GPC6: variants seen among roughly 807,000 people sequenced by gnomAD.
The protein encoded by GPC6 is glypican 6.
GPC6 carries 14 observed loss-of-function variants against 55.2 expected under a neutral mutation model. The observed-to-expected ratio is 0.25, with a 90% confidence interval of 0.17 to 0.40. GPC6 has a LOEUF of 0.40. GPC6 is among the 10% of genes least tolerant of loss of function. GPC6 has a pLI of 1.00. For synonymous variants in GPC6, 278 were observed against 259.6 expected, an observed-to-expected ratio of 1.07 and a Z score of -0.68; for missense variants, 641 against 708.5, an observed-to-expected ratio of 0.90 and a Z score of 1.08.
At chr13:93,685,152 G>A (rs569124174) in intron 2 of GPC6, among the ~76,000 whole-genome samples, 13 of 152,292 alleles carry the variant, frequency 8.5e-5, no homozygotes, top group Non-Finnish European at 1.9e-4. Flanking sequence ...TTTCATTTGA[G>A]AGTACCAGTG....
chr13:94,140,280 C>T (rs942006344), intron 4 of GPC6, among the ~76,000 whole-genome samples: 1 of 152,156 alleles, frequency 6.6e-6, no homozygotes, highest in African/African-American at 2.4e-5. Context: ...GTGTGTTATG[C>T]TACTACAATT....
intron 6 of GPC6, among the ~76,000 whole-genome samples, chr13:94,321,693 A>G (rs535401445): frequency 2.0e-5 from 3 of 152,302 alleles, no homozygotes; most frequent in African/African-American, 7.2e-5. Context: ...GCCATGTGGT[A>G]GTTGGTACTA....
intron 7 of GPC6, among the ~76,000 whole-genome samples, chr13:94,386,517 G>T (rs905124161): frequency 5.3e-5 from 8 of 152,146 alleles, no homozygotes; most frequent in African/African-American, 1.9e-4. Context: ...TTAAGCCCAG[G>T]AATTTGAGGC....
At chr13:93,539,902 G>A (rs2139425136) in intron 1 of GPC6, among the ~76,000 whole-genome samples, 1 of 152,136 alleles carries the variant, frequency 6.6e-6, no homozygotes, top group Middle Eastern at 3.4e-3. Flanking sequence ...TGTTGGTCAG[G>A]CTGGTCTCAA....
chr13:93,629,835 T>C (rs1879359103), intron 2 of GPC6, among the ~76,000 whole-genome samples: 1 of 152,166 alleles, frequency 6.6e-6, no homozygotes, highest in South Asian at 2.1e-4. Context: ...AGAGTAGAGA[T>C]TGCAACTTTA....
At chr13:93,305,864 C>T (rs1878839191) in intron 1 of GPC6, among the ~76,000 whole-genome samples, 1 of 152,170 alleles carries the variant, frequency 6.6e-6, no homozygotes, top group Admixed American at 6.5e-5. Flanking sequence ...TGTTTTTCTA[C>T]ATGTGCTTAT....
At chr13:93,888,034 C>G (rs1875450069) in intron 3 of GPC6, among the ~76,000 whole-genome samples, 1 of 152,080 alleles carries the variant, frequency 6.6e-6, no homozygotes, top group Admixed American at 6.6e-5. Flanking sequence ...AAAAACAAAA[C>G]CAAGAATGCC....
At chr13:93,487,032 A>C (rs1361481006) in intron 1 of GPC6, among the ~76,000 whole-genome samples, 10 of 152,138 alleles carry the variant, frequency 6.6e-5, no homozygotes, top group Non-Finnish European at 1.5e-4. Context: ...AACTGGTGTG[A>C]TGAAAATAAT....
rs377245437 is a variant in GPC6, at chr13:94,053,426, G to A, written c.877+25532G>A. ...AATCATGAGCTTTTGGGGGCTAAAA[G>A]CCCAAAGGTAGTAATTGTTAAAATT... On this transcript the variant is annotated intron_variant, in intron 4 of 8. Coordinates refer to ENST00000377047, the MANE Select transcript of GPC6 (RefSeq NM_005708.5). 2.0e-5 allele frequency among the ~76,000 whole-genome samples: 3 copies of A among 152,256 alleles called. No individual in the cohort carries two copies. In the South Asian group the frequency reaches 6.2e-4, roughly 32 times the overall value.
intron 3 of GPC6, among the ~76,000 whole-genome samples, chr13:93,848,395 C>T (rs1421353646): frequency 3.9e-5 from 6 of 151,978 alleles, no homozygotes; most frequent in South Asian, 2.1e-4. Flanking sequence ...CTCCCTTTCC[C>T]GTGCCTTGGT....
At chr13:93,738,138 A>G (rs1884064403) in intron 2 of GPC6, among the ~76,000 whole-genome samples, 1 of 152,230 alleles carries the variant, frequency 6.6e-6, no homozygotes, top group African/African-American at 2.4e-5. Flanking sequence ...GGAAAATGCT[A>G]GTGCTTCATG....
At chr13:94,081,084 C>A (rs1186182206) in intron 4 of GPC6, among the ~76,000 whole-genome samples, 1 of 152,114 alleles carries the variant, frequency 6.6e-6, no homozygotes, top group African/African-American at 2.4e-5. Context: ...AAAGTGTTAA[C>A]CTGGAAGATT....
chr13:94,207,427 G>T (rs1042725109), intron 4 of GPC6, among the ~76,000 whole-genome samples: 1 of 152,110 alleles, frequency 6.6e-6, no homozygotes, highest in Admixed American at 6.5e-5. Context: ...AGAAACTGAG[G>T]TTCATAGGCT....
chr13:94,038,909 G>A (rs2138736376), intron 4 of GPC6, among the ~76,000 whole-genome samples: 1 of 152,076 alleles, frequency 6.6e-6, no homozygotes, highest in African/African-American at 2.4e-5. Context: ...TAATCAGTCA[G>A]AACTGAAGTG....
intron 2 of GPC6, among the ~76,000 whole-genome samples, chr13:93,689,322 T>C (rs1882166127): frequency 6.6e-6 from 1 of 152,100 alleles, no homozygotes; most frequent in Non-Finnish European, 1.5e-5. Context: ...CTCAGATATG[T>C]TTTTTGTCTT....
intron 3 of GPC6, among the ~76,000 whole-genome samples, chr13:93,897,010 T>G (rs1284054526): frequency 6.6e-6 from 1 of 151,738 alleles, no homozygotes; most frequent in Non-Finnish European, 1.5e-5. Context: ...TAACATTTTC[T>G]TATTGTAAAG....
chr13:94,248,546 G>A (rs1400922454), intron 4 of GPC6, among the ~76,000 whole-genome samples: 1 of 151,754 alleles, frequency 6.6e-6, no homozygotes, highest in Non-Finnish European at 1.5e-5. Context: ...TATCACCCAA[G>A]AACCTGAATG....
chr13:93,688,973 G>C (rs1010167255), intron 2 of GPC6, among the ~76,000 whole-genome samples: 2 of 151,990 alleles, frequency 1.3e-5, no homozygotes, highest in Non-Finnish European at 2.9e-5. Flanking sequence ...TATGAGGTTT[G>C]CTTGTTCTCT....
chr13:94,170,918 T>C (rs1038373831), intron 4 of GPC6, among the ~76,000 whole-genome samples: 3 of 152,224 alleles, frequency 2.0e-5, no homozygotes, highest in Non-Finnish European at 4.4e-5. Context: ...GCCTACTCCA[T>C]GTCCAGAGTG....
Sources: allele counts gnomAD v4.1 joint callset (sites outside exome capture counted in the v4.1 genomes callset), GRCh38; gene constraint gnomAD v4.1.1; transcripts MANE v1.5; gene names NCBI Gene and HGNC (gene_info 2026-07-23, HGNC 2026-07-21).